VWA8: variants seen among roughly 807,000 people sequenced by gnomAD.
The protein encoded by VWA8 is von Willebrand factor A domain-containing protein 8.
Under a neutral mutation model 241.5 loss-of-function variants are expected in VWA8, and 221 were observed. The observed-to-expected ratio is 0.91, with a 90% CI of 0.82 to 1.02. The LOEUF (loss-of-function observed/expected upper bound fraction) is 1.02, where lower values mean the gene tolerates loss of function less well. VWA8 is among the 50% of genes least tolerant of loss of function. The pLI is 0.00. For missense variants in VWA8, 2,322 were observed against 2,328.7 expected, an observed-to-expected ratio of 1.00 and a Z score of 0.06; for synonymous variants, 852 against 827.1, an observed-to-expected ratio of 1.03 and a Z score of -0.52.
At chr13:41,889,270 G>A (rs1356601352) in intron 5 of VWA8, among the ~76,000 whole-genome samples, 1 of 152,034 alleles carries the variant, frequency 6.6e-6, no homozygotes, top group Non-Finnish European at 1.5e-5. Context: ...TATGAACACA[G>A]AAATAACATT....
At chr13:41,697,220 TA>T (rs140130370) in intron 29 of VWA8, among the ~76,000 whole-genome samples, 17,298 of 152,190 alleles carry the variant, frequency 0.11, 1,378 homozygotes, top group East Asian at 0.31. Context: ...ACCTTCAAAA[TA>T]TATCTAGAAT....
At chr13:41,859,711 T>C (rs1488629923) in intron 12 of VWA8, among the ~76,000 whole-genome samples, 1 of 152,216 alleles carries the variant, frequency 6.6e-6, no homozygotes, top group Non-Finnish European at 1.5e-5. Flanking sequence ...GCCAAATGAT[T>C]TATGACTTTT....
intron 2 of VWA8, chr13:41,926,512 C>T (rs1054162320): frequency 9.4e-6 from 5 of 532,738 alleles, no homozygotes; most frequent in Non-Finnish European, 1.5e-5. Context: ...TGGTTGGTGG[C>T]ACCAAGCAGA....
At chr13:41,645,391 C>A (rs1311218329) in intron 37 of VWA8, among the ~76,000 whole-genome samples, 1 of 152,184 alleles carries the variant, frequency 6.6e-6, no homozygotes, top group Admixed American at 6.5e-5. Context: ...GAGAATTCTA[C>A]ACTCTGTCCA....
At chr13:41,828,392 C>T (rs972290996) in intron 14 of VWA8, among the ~76,000 whole-genome samples, 1 of 152,100 alleles carries the variant, frequency 6.6e-6, no homozygotes, top group Non-Finnish European at 1.5e-5. Context: ...CTCTGTATGC[C>T]AATCTCTAAT....
intron 37 of VWA8, among the ~76,000 whole-genome samples, chr13:41,646,643 A>C (rs2044834273): frequency 6.6e-6 from 1 of 152,230 alleles, no homozygotes; most frequent in African/African-American, 2.4e-5. Context: ...GATAGTACAA[A>C]ATTCAATGTT....
intron 13 of VWA8, 56 bp downstream of exon 13, chr13:41,833,315 T>C (rs1871553765): frequency 6.6e-7 from 1 of 1,511,794 alleles, no homozygotes; most frequent in South Asian, 1.3e-5. Flanking sequence ...CCATCTTTAC[T>C]GCTTAAGTCA....
intron 40 of VWA8, among the ~76,000 whole-genome samples, 166 bp from the exon 41 acceptor site, chr13:41,590,931 T>C (rs1300435906): frequency 1.3e-5 from 2 of 152,196 alleles, no homozygotes; most frequent in African/African-American, 4.8e-5. Flanking sequence ...TGCTGACAAA[T>C]AAATGCCCTT....
At chr13:41,930,812 C>G (rs1440478665) in intron 2 of VWA8, among the ~76,000 whole-genome samples, 1 of 152,160 alleles carries the variant, frequency 6.6e-6, no homozygotes, top group Non-Finnish European at 1.5e-5. Context: ...CAAAATAACT[C>G]TGGTCCCAAG....
intron 2 of VWA8, among the ~76,000 whole-genome samples, chr13:41,924,319 T>A (rs1470422185): frequency 1.4e-5 from 2 of 144,306 alleles, no homozygotes; most frequent in African/African-American, 5.2e-5. Flanking sequence ...ACCAAAAATA[T>A]CTGAACTTGA....
chr13:41,604,888 C>T (rs937618551), intron 40 of VWA8, among the ~76,000 whole-genome samples: 2 of 152,116 alleles, frequency 1.3e-5, no homozygotes, highest in African/African-American at 4.8e-5. Context: ...GCAGTACCAA[C>T]TTGTTCCTCA....
rs747100365 is a variant in VWA8, at chr13:41,570,485, TA to T, written c.5591del (p.Leu1864Ter). ...VNAFAIFIGS[L>X]GDQATRLQRT... ...ACACTTACCTGGTTGCTTGATCACC[TA>T]AAGAGCCAATAAAAATGGCAAAAGC... On this transcript the variant is annotated frameshift_variant, in exon 44 of 45. Coordinates refer to ENST00000379310, the MANE Select transcript of VWA8 (RefSeq NM_015058.2). LOFTEE classifies it high-confidence loss of function. 1.2e-6 allele frequency: 2 copies of T among 1,614,152 alleles called. No homozygotes were observed. Among genetic ancestry groups the T allele is most frequent in the Non-Finnish European group, 1.7e-6 (2 of 1,180,014 alleles).
chr13:41,873,593 A>G (rs1286008479), intron 9 of VWA8, among the ~76,000 whole-genome samples: 57 of 152,346 alleles, frequency 3.7e-4, no homozygotes, highest in Non-Finnish European at 5.3e-4. Context: ...GAAGAAATGG[A>G]TAAATTCCTC....
chr13:41,886,332 A>G (rs1348918997), intron 7 of VWA8, among the ~76,000 whole-genome samples: 1 of 152,066 alleles, frequency 6.6e-6, no homozygotes, highest in Non-Finnish European at 1.5e-5. Flanking sequence ...AGAGTTTTTT[A>G]TGGCCCTAAA....
At chr13:41,586,832 T>C (rs779572563) in intron 42 of VWA8, among the ~76,000 whole-genome samples, 8 of 152,206 alleles carry the variant, frequency 5.3e-5, no homozygotes, top group Non-Finnish European at 1.0e-4. Flanking sequence ...GAACTTTTGA[T>C]AATAATTACA....
chr13:41,593,680 T>G (rs1377545831), intron 40 of VWA8, among the ~76,000 whole-genome samples: 1 of 152,240 alleles, frequency 6.6e-6, no homozygotes, highest in Non-Finnish European at 1.5e-5. Flanking sequence ...TGACCATTTA[T>G]GTACCTTCAG....
At position 41,887,357 on chromosome 13, in the gene VWA8, T is replaced by A. The variant is rs1874598016; in HGVS notation, c.656A>T (p.His219Leu). Reference protein sequence around the residue: ...AERYDKLLRDHTKKELDSWKI... With the variant: ...AERYDKLLRDLTKKELDSWKI... The stretch of plus-strand genomic sequence containing the variant: ...CCAAGAATCCAACTCTTTTTTGGTA[T>A]GATCCTATAAAAGTAAGAGATCCGG... Residue 219 changes from histidine (H) to leucine (L), a missense_variant, in exon 6 of 45, where the codon CAT (histidine) becomes CTT (leucine). By Grantham distance (99) the His-to-Leu change is moderately conservative. Coordinates refer to ENST00000379310, the MANE Select transcript of VWA8 (RefSeq NM_015058.2). The A allele has an allele frequency of 1.2e-6, 2 of 1,609,720 alleles. No individual in the cohort carries two copies. The highest frequency in any genetic ancestry group is 1.7e-6 in the Non-Finnish European group (2 of 1,178,854).
Position 41,784,703 on chromosome 13 carries a change from T to C in VWA8, c.2171-802A>G, listed in dbSNP as rs143516876. On this transcript the variant is annotated intron_variant, in intron 18 of 44. Coordinates refer to ENST00000379310, the MANE Select transcript of VWA8 (RefSeq NM_015058.2). ...CTTTATACATATACATATACATATA[T>C]ATATATATATATATATATATATATA... Among the ~76,000 whole-genome samples the C allele has an allele frequency of 5.1e-3, 242 of 47,690 alleles. 1 individual carries two copies. The highest frequency in any genetic ancestry group is 0.01 in the East Asian group (15 of 1,474). The allele number at this position is 47,690 out of a possible 152,430, so 31.3% of individuals were successfully genotyped here.
intron 26 of VWA8, among the ~76,000 whole-genome samples, chr13:41,715,819 AAC>A (rs2045344672): frequency 6.6e-6 from 1 of 151,988 alleles, no homozygotes; most frequent in African/African-American, 2.4e-5. Flanking sequence ...TAGTACATGC[AAC>A]ACACACATAT....
Sources: allele counts gnomAD v4.1 joint callset (sites outside exome capture counted in the v4.1 genomes callset), GRCh38; gene constraint gnomAD v4.1.1; transcripts MANE v1.5; gene names NCBI Gene and HGNC (gene_info 2026-07-23, HGNC 2026-07-21).